REC8: variants seen among roughly 807,000 people sequenced by gnomAD.
REC8 encodes the protein REC8 meiotic recombination protein.
A neutral mutation model predicts 78.3 loss-of-function variants in REC8; 42 were observed. The ratio of observed to expected loss-of-function variants is 0.54; its 90% CI spans 0.42 to 0.69. The LOEUF (loss-of-function observed/expected upper bound fraction) is 0.69, where lower values mean the gene tolerates loss of function less well. Ranked by LOEUF, REC8 falls within the 30% of genes least tolerant of loss-of-function variation. The pLI is 0.00. For missense variants in REC8, 581 were observed against 715.8 expected, an observed-to-expected ratio of 0.81 and a Z score of 2.15; for synonymous variants, 268 against 274.1, an observed-to-expected ratio of 0.98 and a Z score of 0.22.
chr14:24,179,791 T>C lies in REC8; in HGVS notation c.1452-9T>C. The C allele has an allele frequency of 6.2e-7, 1 of 1,613,722 alleles. No homozygotes were observed. Among genetic ancestry groups the C allele is most frequent in the South Asian group, 1.1e-5 (1 of 91,046 alleles). ...TGAAGCCTCTGCTAATGGTTCTTGA[T>C]CCCTATAGGGCAGTGGCACTGGAGC... On this transcript the variant is annotated splice_polypyrimidine_tract_variant and intron_variant, in intron 17 of 18. Transcript: ENST00000611366.
chr14:24,180,900 T>C (rs370894245), downstream of REC8: 16 of 639,050 alleles, frequency 2.5e-5, no homozygotes, highest in African/African-American at 2.2e-4. Flanking sequence ...AAGACAACTA[T>C]GAACATGAGA....
In REC8 at chr14:24,179,922, T is replaced by C. The variant is rs537127387; in HGVS notation, c.1558+16T>C. The C allele has an allele frequency of 1.6e-3, 2,625 of 1,613,684 alleles. 5 individuals are homozygous for C. The highest frequency in any genetic ancestry group is 2.1e-3 in the Non-Finnish European group (2,501 of 1,179,850). ...CTGCTCCTGGGTGAGTGTATGCATG[T>C]GTGTGTGTGTATGTGGGGCAGGGAC... On this transcript the variant is annotated intron_variant, in intron 18 of 18. Coordinates refer to ENST00000611366, the MANE Select transcript of REC8 (RefSeq NM_001048205.2).
chr14:24,174,126 G>A lies in REC8; in HGVS notation c.462+715G>A, dbSNP rs576932782. On this transcript the variant is annotated intron_variant, in intron 5 of 18. Transcript: ENST00000611366. ...GATCTGCCTGTCTCCTCCTCCTGAAGTGCTGGGATTACAGACATGAGCCAC... is the reference window on the plus strand; with the variant it reads ...GATCTGCCTGTCTCCTCCTCCTGAAATGCTGGGATTACAGACATGAGCCAC... Among the ~76,000 whole-genome samples, 11 of 152,104 alleles carry A rather than the reference G, an allele frequency of 7.2e-5. No homozygotes were observed. The South Asian group carries it at 1.5e-3, about 20-fold the overall frequency.
chr14:24,176,914 G>T lies in REC8; in HGVS notation c.624+13G>T, dbSNP rs200162679. On this transcript the variant is annotated intron_variant, in intron 7 of 18. Transcript: ENST00000611366. ...GCTGGAGATTGAGGTGAGTTCCCCT[G>T]CACACAGGGCCTGAGGTCCAGCCCC... The T allele has an allele frequency of 7.6e-5, 122 of 1,606,668 alleles. No homozygotes were observed. The African/African-American group carries it at 1.5e-3, about 20-fold the overall frequency.
At chr14:24,176,390 G>A (rs1161209769) in intron 6 of REC8, among the ~76,000 whole-genome samples, 1 of 148,070 alleles carries the variant, frequency 6.8e-6, no homozygotes, top group Non-Finnish European at 1.5e-5. Flanking sequence ...TCCCAGGCTG[G>A]AGTGCAGTGG....
chr14:24,178,602 A>G lies in REC8; in HGVS notation c.997-4A>G. ...GGGGCTTCTGACCTTCCCCCACTAC[A>G]CAGCCTATGGTGCAGCCGCCCGAGA... On this transcript the variant is annotated splice_region_variant and splice_polypyrimidine_tract_variant and intron_variant, in intron 12 of 18. Coordinates refer to ENST00000611366, the MANE Select transcript of REC8 (RefSeq NM_001048205.2). 6.2e-7 allele frequency: 1 copy of G among 1,613,868 alleles called. No individual in the cohort carries two copies.
In REC8 at chr14:24,177,488, T is replaced by TG; in HGVS notation, c.764dup (p.Pro256SerfsTer2). 1 of 1,614,152 alleles carries TG rather than the reference T, an allele frequency of 6.2e-7. No homozygotes were observed. The highest frequency in any genetic ancestry group is 8.5e-7 in the Non-Finnish European group (1 of 1,180,014). ...AGGGTGGAAGGAATAGGAGAGGCAC[T>TG]GGGTCCTGAGGAGCTGAGGCTGACA... is the stretch of plus-strand genomic sequence containing the variant. On this transcript the variant is annotated frameshift_variant, in exon 10 of 19. Coordinates refer to ENST00000611366, the MANE Select transcript of REC8 (RefSeq NM_001048205.2). LOFTEE classifies it high-confidence loss of function.
rs751313539 is a variant in REC8, at chr14:24,180,218, C to A, written c.*123C>A. 32 of 1,597,738 alleles carry A rather than the reference C, an allele frequency of 2.0e-5. No individual in the cohort carries two copies. Among genetic ancestry groups the A allele is most frequent in the Non-Finnish European group, 2.6e-5 (30 of 1,170,800 alleles). On this transcript the variant is annotated 3_prime_UTR_variant, in exon 19 of 19. Coordinates refer to ENST00000611366, the MANE Select transcript of REC8 (RefSeq NM_001048205.2). ...ATTTCCAGCCTTCTTGCTCTCAGAG[C>A]TATTGTTCAAGCAGAAAACAAGCTG...
intron 11 of REC8, 44 bp downstream of exon 11, chr14:24,177,802 C>T (rs1244323490): frequency 2.0e-6 from 3 of 1,522,750 alleles, no homozygotes; most frequent in Non-Finnish European, 2.6e-6. Flanking sequence ...CCTCTTTGCC[C>T]TCCCCCACAA....
At chr14:24,176,696 G>C in intron 6 of REC8, 126 bp from the exon 7 acceptor site, 1 of 721,350 alleles carries the variant, frequency 1.4e-6, no homozygotes, top group Non-Finnish European at 2.4e-6. Context: ...CAGGATGCCA[G>C]AGATTAGCCT....
In REC8 at chr14:24,179,112, G is replaced by A. The variant is rs17855369; in HGVS notation, c.1231G>A (p.Val411Ile). 1.3e-6 allele frequency: 2 copies of A among 1,584,562 alleles called. No homozygotes were observed. The highest frequency in any genetic ancestry group is 1.8e-5 in the Admixed American group (1 of 54,130). Residue 411 changes from valine to isoleucine, a missense_variant, in exon 15 of 19, where the codon GTT becomes ATT. Physicochemically the swap from Val to Ile is conservative, Grantham distance 29. Transcript: ENST00000611366. ...CCCGAGGGAGGCCCTGGAGCCCAGT[G>A]TTCCCCTTATGGTGTCTTTAGGTAA... Reference protein sequence around the residue: ...EVPREALEPSVPLMVSLEISL... With the variant: ...EVPREALEPSIPLMVSLEISL...
chr14:24,180,271 C>T (rs941257736), downstream of REC8: 3 of 1,534,704 alleles, frequency 2.0e-6, no homozygotes, highest in Admixed American at 2.0e-5. Context: ...TGTCATGACT[C>T]ATTTGTAACA....
intron 7 of REC8, 44 bp from the exon 8 acceptor site, chr14:24,177,096 GA>G: frequency 6.3e-7 from 1 of 1,590,240 alleles, no homozygotes; most frequent in Non-Finnish European, 8.6e-7. Context: ...GCCTTTTTCA[GA>G]AATATTATTG....
intron 6 of REC8, among the ~76,000 whole-genome samples, chr14:24,176,030 C>G (rs954422301): frequency 6.6e-6 from 1 of 151,172 alleles, no homozygotes; most frequent in Non-Finnish European, 1.5e-5. Flanking sequence ...ATAACCTCAT[C>G]AGTACCTCAC....
intron 15 of REC8, 57 bp from the exon 16 acceptor site, chr14:24,179,340 C>A: frequency 6.3e-7 from 1 of 1,581,674 alleles, no homozygotes; most frequent in Non-Finnish European, 8.7e-7. Flanking sequence ...CAGGTGGCCA[C>A]AAGGCCCTAA....
Position 24,177,471 on chromosome 14 carries a change from A to C in REC8, c.744A>C (p.Glu248Asp), listed in dbSNP as rs1309767267. ...RLPPPAPAEV[E>D]GIGEALGPEE... is the part of the protein sequence containing the mutation. ...CTTGCCCATTTCCCCTCAGGGTGGA[A>C]GGAATAGGAGAGGCACTGGGTCCTG... The change falls in exon 10 of 19, where the codon GAA becomes GAC. Residue 248 changes from glutamate (E) to aspartate (D), a missense_variant. Transcript: ENST00000611366. 13 of 1,614,122 alleles carry C rather than the reference A, an allele frequency of 8.1e-6. No individual in the cohort carries two copies. Among genetic ancestry groups the C allele is most frequent in the Non-Finnish European group, 1.1e-5 (13 of 1,180,016 alleles).
intron 2 of REC8, 42 bp from the exon 3 acceptor site, chr14:24,172,857 C>G: frequency 6.2e-7 from 1 of 1,613,284 alleles, no homozygotes; most frequent in Non-Finnish European, 8.5e-7. Flanking sequence ...ACTGTGGGCC[C>G]ACTCCTGGAC....
intron 7 of REC8, 94 bp from the exon 8 acceptor site, chr14:24,177,047 T>C: frequency 7.2e-7 from 1 of 1,382,890 alleles, no homozygotes; most frequent in East Asian, 2.3e-5. Flanking sequence ...AACCTGGCCC[T>C]GTGGCATGCC....
chr14:24,175,269 G>T (rs2038839472), intron 5 of REC8: 1 of 288,656 alleles, frequency 3.5e-6, no homozygotes. Flanking sequence ...GCCTCCCAAA[G>T]TGCTGGGATT....
Sources: gnomAD v4.1 joint callset for allele counts (sites outside exome capture counted in the v4.1 genomes callset) on GRCh38, gnomAD v4.1.1 for gene constraint, MANE v1.5 for transcripts, NCBI Gene and HGNC (gene_info 2026-07-23, HGNC 2026-07-21) for gene names.